Variants in RNASEL observed in about 807,000 individuals in gnomAD.
RNASEL encodes the protein 2-5A-dependent ribonuclease.
A neutral mutation model predicts 50.9 loss-of-function variants in RNASEL; 36 were observed. The observed-to-expected ratio is 0.71, with a 90% CI of 0.54 to 0.93. The LOEUF is 0.93. RNASEL is among the 40% of genes least tolerant of loss of function. The probability of loss-of-function intolerance (pLI) is 0.00; values close to 1 mark genes in which losing one functional copy is unlikely to be tolerated. For synonymous variants in RNASEL, 335 were observed against 335.6 expected (o/e 1.00, Z 0.02); for missense variants, 860 against 894.5 (o/e 0.96, Z 0.49).
At chr1:182,584,304 T>A in intron 2 of RNASEL, 138 bp from the exon 3 acceptor site, 1 of 693,656 alleles carries the variant, frequency 1.4e-6, no homozygotes, top group South Asian at 1.5e-5. Context: ...ATATCTGTAT[T>A]TGCCATTCAC....
chr1:182,581,469 C>CTTTA, intron 4 of RNASEL, 112 bp from the exon 5 acceptor site: 35 of 319,194 alleles, frequency 1.1e-4, no homozygotes, highest in Non-Finnish European at 1.6e-4. Flanking sequence ...CTTGGTTTTT[C>CTTTA]TTTCTTTTTT....
rs1196329950 is a variant in RNASEL, at chr1:182,574,047, C to T, written c.*1345G>A. 2 of 202,270 alleles carry T rather than the reference C, an allele frequency of 9.9e-6. No homozygotes were observed. Among genetic ancestry groups the T allele is most frequent in the Admixed American group, 6.0e-5 (1 of 16,666 alleles). The allele number at this position is 202,270 out of a possible 1,614,324, so 12.5% of individuals were successfully genotyped here. ...TTCCTCATCAGCAAAATAGGGATAA[C>T]AATGTTGACCTTAAAGGATTGTTTT... On this transcript the variant is annotated 3_prime_UTR_variant, in exon 7 of 7. Transcript: ENST00000367559.
chr1:182,576,256 T>G lies in RNASEL; in HGVS notation c.2039A>C (p.Lys680Thr). The G allele has an allele frequency of 1.9e-6, 3 of 1,610,956 alleles. No individual in the cohort carries two copies. The highest frequency in any genetic ancestry group is 2.5e-6 in the Non-Finnish European group (3 of 1,178,182). Reference protein sequence around the residue: ...GEHIDEEKHKKMKLKIGDPSL... With the variant: ...GEHIDEEKHKTMKLKIGDPSL... ...TTGTAGGAATGAAAACAATACTTAC[T>G]TTTTATGCTTTTCTTCATCAATGTG... The change falls in exon 6 of 7, where the codon AAG becomes ACG. Residue 680 changes from lysine (K) to threonine (T), a missense_variant and splice_region_variant. Coordinates refer to ENST00000367559, the MANE Select transcript of RNASEL (RefSeq NM_021133.4).
In RNASEL at chr1:182,575,262, G is replaced by A; in HGVS notation, c.*130C>T. 1 of 852,598 alleles carries A rather than the reference G, an allele frequency of 1.2e-6. No individual in the cohort carries two copies. Among genetic ancestry groups the A allele is most frequent in the South Asian group, 1.4e-5 (1 of 72,604 alleles). 52.8% of individuals were successfully genotyped at this position (852,598 alleles called of 1,614,324 possible). ...AGACATATGGAATACACGATGCCAG[G>A]GACTGACATATCAGCTATGCAACTC... On this transcript the variant is annotated 3_prime_UTR_variant, in exon 7 of 7. Coordinates refer to ENST00000367559, the MANE Select transcript of RNASEL (RefSeq NM_021133.4).
chr1:182,581,475 T>TTC (rs1661496297), intron 4 of RNASEL, 118 bp from the exon 5 acceptor site: 2 of 487,802 alleles, frequency 4.1e-6, no homozygotes, highest in East Asian at 7.0e-5. Context: ...TTTTCTTTCT[T>TTC]TTTTTTTTTT....
At position 182,584,119 on chromosome 1, in the gene RNASEL, A is replaced by C. The variant is rs1369865607; in HGVS notation, c.1528T>G (p.Trp510Gly). 2.5e-6 allele frequency: 4 copies of C among 1,614,008 alleles called. No individual in the cohort carries two copies. The highest frequency in any genetic ancestry group is 3.4e-6 in the Non-Finnish European group (4 of 1,180,000). The stretch of plus-strand genomic sequence containing the variant: ...TTGACTTCCTGTGGATCTCCAGCCC[A>C]CTTGATGCTCTTATCAAAATCTGCC... ...HLADFDKSIK[W>G]AGDPQEVKRD... The change falls in exon 3 of 7, where the codon TGG becomes GGG. Residue 510 changes from tryptophan to glycine, a missense_variant. By Grantham distance (184) the Trp-to-Gly change is radical. Coordinates refer to ENST00000367559, the MANE Select transcript of RNASEL (RefSeq NM_021133.4).
chr1:182,576,497 C>CAAATT, intron 5 of RNASEL, 108 bp from the exon 6 acceptor site: 1 of 831,762 alleles, frequency 1.2e-6, no homozygotes, highest in Non-Finnish European at 1.9e-6. Flanking sequence ...TTCATATATT[C>CAAATT]TATAATTACC....
rs750006764 is a variant in RNASEL, at chr1:182,585,729, T to C, written c.1078A>G (p.Lys360Glu). ...TTTTCATCAATAAAGAACTTGAGTTTGCCAATCATAGGGCGGTATATTCTG... is the reference window on the plus strand; with the variant it reads ...TTTTCATCAATAAAGAACTTGAGTTCGCCAATCATAGGGCGGTATATTCTG... ...LHRIYRPMIGKLKFFIDEKYK... is the reference protein window; with the variant it reads ...LHRIYRPMIGELKFFIDEKYK... The change falls in exon 2 of 7, where the codon AAA (lysine) becomes GAA (glutamate). Residue 360 changes from lysine to glutamate, a missense_variant. Lys to Glu is a moderately conservative substitution (Grantham distance 56). Coordinates refer to ENST00000367559, the MANE Select transcript of RNASEL (RefSeq NM_021133.4). 150 of 1,613,992 alleles carry C rather than the reference T, an allele frequency of 9.3e-5. 3 individuals carry two copies. The South Asian group carries it at 1.6e-3, about 17-fold the overall frequency.
At position 182,586,723 on chromosome 1, in the gene RNASEL, C is replaced by T. The variant is rs141239442; in HGVS notation, c.84G>A (p.Leu28=). Residue 28 remains leucine (L), a synonymous_variant, in exon 2 of 7, where the codon TTG becomes TTA. Coordinates refer to ENST00000367559, the MANE Select transcript of RNASEL (RefSeq NM_021133.4). The part of the protein sequence containing the change: ...GRRAAVEDNH[L]LIKAVQNEDV... ...CTTCGTTTTGAACAGCTTTAATCAG[C>T]AAGTGATTGTCTTCCACTGCAGCCC... 16 of 1,614,242 alleles carry T rather than the reference C, an allele frequency of 9.9e-6. No individual in the cohort carries two copies. The highest frequency in any genetic ancestry group is 3.3e-5 in the South Asian group (3 of 91,090).
chr1:182,585,224 T>C, intron 2 of RNASEL, 103 bp downstream of exon 2: 1 of 1,103,602 alleles, frequency 9.1e-7, no homozygotes, highest in Non-Finnish European at 1.3e-6. Context: ...AATTGAATCA[T>C]CCACATTTAC....
At position 182,585,423 on chromosome 1, in the gene RNASEL, G is replaced by A. The variant is rs756474582; in HGVS notation, c.1384C>T (p.Arg462Ter). 1.1e-5 allele frequency: 17 copies of A among 1,613,938 alleles called. No individual in the cohort carries two copies. In the Admixed American group the frequency reaches 1.3e-4, roughly 13 times the overall value. ...TTAAATATAGATGACAGGACATTTC[G>A]GGCAAATTCATCTTCCTCATTTTCC... is the stretch of plus-strand genomic sequence containing the variant. The part of the protein sequence containing the change: ...DVENEEDEFA[R>*]NVLSSIFKAV... The change falls in exon 2 of 7, where the codon CGA becomes TGA. Residue 462 changes from arginine to a stop codon, truncating the protein, a stop_gained. Coordinates refer to ENST00000367559, the MANE Select transcript of RNASEL (RefSeq NM_021133.4). LOFTEE classifies it high-confidence loss of function.
In RNASEL at chr1:182,576,360, A is replaced by G. The variant is rs1661380501; in HGVS notation, c.1935T>C (p.Asn645=). The part of the protein sequence containing the change: ...KINECVMKKM[N]KFYEKRGNFY... ...AATTGCCTCTTTTTTCATAAAACTT[A>G]TTCATTTTTTTCATAACACATTCAT... is the stretch of plus-strand genomic sequence containing the variant. Residue 645 remains asparagine (N), a synonymous_variant, in exon 6 of 7, where the codon AAT becomes AAC. Transcript: ENST00000367559. 6.3e-7 allele frequency: 1 copy of G among 1,595,508 alleles called. No individual in the cohort carries two copies. The highest frequency in any genetic ancestry group is 2.2e-5 in the East Asian group (1 of 44,684).
rs191464754 is a variant in RNASEL at position 182,575,345 on chromosome 1, A to G, written c.*47T>C. 219 of 1,591,654 alleles carry G rather than the reference A, an allele frequency of 1.4e-4. 3 individuals carry two copies. The East Asian group carries it at 4.8e-3, about 35-fold the overall frequency. ...CCCAGAATGTTGTGATTTGCCAAGG[A>G]CTCTACAGCTAATAAGTAGTTCCCT... On this transcript the variant is annotated 3_prime_UTR_variant, in exon 7 of 7. Transcript: ENST00000367559.
rs935375597 is a variant in RNASEL, at chr1:182,574,875, A to G, written c.*517T>C. The G allele has an allele frequency of 1.7e-5, 4 of 238,984 alleles. No homozygotes were observed. The highest frequency in any genetic ancestry group is 1.1e-4 in the Admixed American group (2 of 18,998). 14.8% of individuals were successfully genotyped at this position (238,984 alleles called of 1,614,324 possible). On this transcript the variant is annotated 3_prime_UTR_variant, in exon 7 of 7. Coordinates refer to ENST00000367559, the MANE Select transcript of RNASEL (RefSeq NM_021133.4). ...AATGAGATTCCTGGAACCCCTATAT[A>G]TGTTTTGGGCCTCATCTGGAAGAGC... is the stretch of plus-strand genomic sequence containing the variant.
intron 6 of RNASEL, 91 bp from the exon 7 acceptor site, chr1:182,575,669 TTGATTTCTATTGCAGAA>T: frequency 3.3e-6 from 5 of 1,495,790 alleles, no homozygotes; most frequent in Non-Finnish European, 4.6e-6. Flanking sequence ...CTTTGCTCGC[TTGATTTCTATTGCAGAA>T]TGAATAAGGA....
Position 182,585,793 on chromosome 1 carries a change from A to G in RNASEL, c.1014T>C (p.Pro338=), listed in dbSNP as rs2102370707. 1 of 1,614,124 alleles carries G rather than the reference A, an allele frequency of 6.2e-7. No homozygotes were observed. The highest frequency in any genetic ancestry group is 8.5e-7 in the Non-Finnish European group (1 of 1,180,014). Residue 338 remains proline (P), a synonymous_variant, in exon 2 of 7, where the codon CCT becomes CCC. Transcript: ENST00000367559. ...DFHPPAEDWK[P]QSSHWGAALK... is the part of the protein sequence containing the mutation. ...GGGCTGCCCCCCAGTGTGAGCTCTG[A>G]GGCTTCCAGTCTTCAGCAGGAGGGT...
At chr1:182,585,086 C>T (rs537005549) in intron 2 of RNASEL, among the ~76,000 whole-genome samples, 2 of 152,318 alleles carry the variant, frequency 1.3e-5, no homozygotes, top group African/African-American at 4.8e-5. Context: ...TTGCCAATGG[C>T]AATCTAAGGC....
Position 182,586,164 on chromosome 1 carries a change from C to T in RNASEL, c.643G>A (p.Asp215Asn), listed in dbSNP as rs373482948. Residue 215 changes from aspartate (D) to asparagine (N), a missense_variant, in exon 2 of 7, where the codon GAT becomes AAT. Physicochemically the swap from Asp to Asn is conservative, Grantham distance 23 (BLOSUM62 1). Transcript: ENST00000367559. ...ALIHALLSSD[D>N]SDVEAITHLL... ...TGCGTAATAGCCTCCACATCACTAT[C>T]GTCAGAGCTCAGGAGAGCATGGATC... is the stretch of plus-strand genomic sequence containing the variant. The T allele has an allele frequency of 3.7e-6, 6 of 1,614,082 alleles. No individual in the cohort carries two copies. The highest frequency in any genetic ancestry group is 1.3e-5 in the African/African-American group (1 of 74,914).
chr1:182,581,364 A>T lies in RNASEL; in HGVS notation c.1773-7T>A, dbSNP rs1486723463. 1 of 1,612,780 alleles carries T rather than the reference A, an allele frequency of 6.2e-7. No individual in the cohort carries two copies. The highest frequency in any genetic ancestry group is 8.5e-7 in the Non-Finnish European group (1 of 1,179,282). ...CCGAAGCGTCCTATAGCGGCTGAAG[A>T]TGACTAAATGATCTAAATGATCATG... On this transcript the variant is annotated splice_region_variant and splice_polypyrimidine_tract_variant and intron_variant, in intron 4 of 6. Coordinates refer to ENST00000367559, the MANE Select transcript of RNASEL (RefSeq NM_021133.4).
Sources: allele counts gnomAD v4.1 joint callset (sites outside exome capture counted in the v4.1 genomes callset), GRCh38; gene constraint gnomAD v4.1.1; transcripts MANE v1.5; gene names NCBI Gene and HGNC (gene_info 2026-07-23, HGNC 2026-07-21).